The following SHISA9 variants were observed in gnomAD, a reference collection of about 807,000 sequenced individuals.
The protein encoded by SHISA9 is protein shisa-9.
A neutral mutation model predicts 38.0 loss-of-function variants in SHISA9; 13 were observed. The observed-to-expected ratio is 0.34, with a 90% CI of 0.22 to 0.54. The LOEUF is 0.54. Among genes scored for constraint, SHISA9 ranks in the 20% least tolerant of loss-of-function variants. The pLI is 0.91. For synonymous variants in SHISA9, 275 were observed against 242.0 expected (o/e 1.14, Z -1.27); for missense variants, 538 against 575.8 (o/e 0.93, Z 0.67).
chr16:13,342,431 G>T, the SHISA9 span, among the ~76,000 whole-genome samples: 1 of 152,166 alleles, frequency 6.6e-6, no homozygotes, highest in Non-Finnish European at 1.5e-5. Context: ...GGGATTACAG[G>T]CATGTGCCAC....
the SHISA9 span, among the ~76,000 whole-genome samples, chr16:13,472,377 A>AGTTTTTTTTTTTTTTTTTTTTTT: frequency 1.8e-5 from 1 of 55,416 alleles, no homozygotes; most frequent in Non-Finnish European, 3.2e-5. Flanking sequence ...GCTCTGCTAA[A>AGTTTTTTTTTTTTTTTTTTTTTT]TTTTTTTTTT....
the SHISA9 span, among the ~76,000 whole-genome samples, chr16:13,484,554 G>A: frequency 6.6e-6 from 1 of 152,188 alleles, no homozygotes; most frequent in Non-Finnish European, 1.5e-5. Context: ...ATTGGTGAAT[G>A]TTGCCTCTCT....
chr16:13,017,289 G>A (rs2072770006), intron 2 of SHISA9, among the ~76,000 whole-genome samples: 1 of 152,256 alleles, frequency 6.6e-6, no homozygotes, highest in South Asian at 2.1e-4. Context: ...CAAAGGGCTG[G>A]GATTACAGGT....
the SHISA9 span, among the ~76,000 whole-genome samples, chr16:13,481,183 G>A: frequency 6.6e-5 from 10 of 152,098 alleles, no homozygotes; most frequent in Admixed American, 1.3e-4. Flanking sequence ...ACCTCTGAGC[G>A]TTGATTTCCA....
chr16:13,353,523 G>A, the SHISA9 span, among the ~76,000 whole-genome samples: 12 of 151,714 alleles, frequency 7.9e-5, 1 homozygote, highest in South Asian at 2.1e-4. Context: ...GGGCATGTGT[G>A]AGTAGTTGAG....
chr16:13,244,834 G>A (rs535330683), downstream of SHISA9, among the ~76,000 whole-genome samples: 2 of 152,204 alleles, frequency 1.3e-5, no homozygotes, highest in South Asian at 2.1e-4. Flanking sequence ...CTACATTTGC[G>A]ATGTGATACG....
chr16:13,323,696 C>G, the SHISA9 span, among the ~76,000 whole-genome samples: 3 of 152,112 alleles, frequency 2.0e-5, no homozygotes, highest in African/African-American at 4.8e-5. Context: ...CACAAGGTGG[C>G]AGGAAGAAGT....
At chr16:13,470,416 G>A in the SHISA9 span, among the ~76,000 whole-genome samples, 1 of 152,200 alleles carries the variant, frequency 6.6e-6, no homozygotes, top group Non-Finnish European at 1.5e-5. Flanking sequence ...AAGGAAAGAG[G>A]TTTAATGGGC....
intron 2 of SHISA9, among the ~76,000 whole-genome samples, chr16:13,065,485 A>T (rs1219578669): frequency 1.3e-5 from 2 of 152,264 alleles, no homozygotes; most frequent in Admixed American, 6.5e-5. Flanking sequence ...ACCTCTGTTC[A>T]CATGAAAAGA....
chr16:13,221,699 A>G (rs2051227676), intron 4 of SHISA9, among the ~76,000 whole-genome samples: 1 of 152,226 alleles, frequency 6.6e-6, no homozygotes, highest in Non-Finnish European at 1.5e-5. Flanking sequence ...GAATGTTCAC[A>G]GAATTGTGCA....
chr16:13,111,345 A>C (rs1596654487), intron 2 of SHISA9, among the ~76,000 whole-genome samples: 2 of 26,266 alleles, frequency 7.6e-5, no homozygotes, highest in Non-Finnish European at 1.3e-4. Flanking sequence ...AACAAATTAC[A>C]AAAAAAAAAA....
chr16:13,028,349 G>A (rs1165287435), intron 2 of SHISA9, among the ~76,000 whole-genome samples: 2 of 152,136 alleles, frequency 1.3e-5, no homozygotes, highest in African/African-American at 2.4e-5. Flanking sequence ...TCATGCTGCT[G>A]ATAAAGACAT....
chr16:13,116,973 T>C (rs1461749858), intron 2 of SHISA9, among the ~76,000 whole-genome samples: 1 of 152,140 alleles, frequency 6.6e-6, no homozygotes, highest in Non-Finnish European at 1.5e-5. Context: ...GGAAAGGTTA[T>C]TTTATTTTAT....
intron 2 of SHISA9, among the ~76,000 whole-genome samples, chr16:13,082,951 G>T (rs1389903052): frequency 6.6e-6 from 1 of 152,288 alleles, no homozygotes; most frequent in East Asian, 1.9e-4. Flanking sequence ...TAGAAATTGG[G>T]GTTTGGGCCA....
At chr16:13,157,559 A>G (rs12448461) in intron 2 of SHISA9, among the ~76,000 whole-genome samples, 58,819 of 152,086 alleles carry the variant, frequency 0.39, 12,141 homozygotes, top group Non-Finnish European at 0.45. Context: ...CATGGAAAGT[A>G]CTTAAAACAG....
In SHISA9 at chr16:13,126,924, G is replaced by A. The variant is rs955338019; in HGVS notation, c.692-76470G>A. Among the ~76,000 whole-genome samples, 3 of 148,140 alleles carry A rather than the reference G, an allele frequency of 2.0e-5. No individual in the cohort carries two copies. The East Asian group carries it at 6.2e-4, about 31-fold the overall frequency. ...AGAAGGAGAGAGAGAGAGACTGAGG[G>A]AAGGAGAGAGGGAGAGAGAGCTGAG... On this transcript the variant is annotated intron_variant, in intron 2 of 4. Coordinates refer to ENST00000558583, the MANE Select transcript of SHISA9 (RefSeq NM_001145204.3).
chr16:13,352,499 T>G, the SHISA9 span, among the ~76,000 whole-genome samples: 1 of 152,200 alleles, frequency 6.6e-6, no homozygotes, highest in African/African-American at 2.4e-5. Flanking sequence ...CAGCACCTCC[T>G]TGTTACAATA....
intron 2 of SHISA9, among the ~76,000 whole-genome samples, chr16:12,938,343 T>C (rs2071561051): frequency 6.6e-6 from 1 of 152,208 alleles, no homozygotes; most frequent in African/African-American, 2.4e-5. Flanking sequence ...AGACAAGTCT[T>C]ACACATTTTG....
rs188983446 is a variant in SHISA9 at position 13,092,250 on chromosome 16, G to T, written c.692-111144G>T. Among the ~76,000 whole-genome samples, 1,105 of 152,328 alleles carry T rather than the reference G, an allele frequency of 7.3e-3. 4 individuals carry two copies. Among genetic ancestry groups the T allele is most frequent in the Non-Finnish European group, 0.013 (860 of 68,028 alleles). On this transcript the variant is annotated intron_variant, in intron 2 of 4. Transcript: ENST00000558583. ...GGTGTCTGTTGGCCCCTGCTGGGAG[G>T]TGTCTCCCAGTTAGGCTACATGGGA...
Sources: gnomAD v4.1 joint callset for allele counts (sites outside exome capture counted in the v4.1 genomes callset) on GRCh38, gnomAD v4.1.1 for gene constraint, MANE v1.5 for transcripts, NCBI Gene and HGNC (gene_info 2026-07-23, HGNC 2026-07-21) for gene names.